Variants in ZNF765 observed in about 807,000 individuals in gnomAD.
ZNF765 encodes zinc finger protein 765.
In ZNF765, 37 loss-of-function variants were observed where a neutral mutation model predicts 44.7. The ratio of observed to expected loss-of-function variants is 0.83; its 90% CI spans 0.64 to 1.09. The LOEUF is 1.09. Ranked by LOEUF, ZNF765 falls within the 50% of genes least tolerant of loss-of-function variation. ZNF765 has a pLI of 0.00. For missense variants in ZNF765, 594 were observed against 626.1 expected (o/e 0.95, Z 0.55); for synonymous variants, 201 against 213.7 (o/e 0.94, Z 0.52).
At chr19:53,423,659 G>A (rs1262882412) in exon 4 of ZNF765, 3 of 236,060 alleles carry the variant, frequency 1.3e-5, no homozygotes, top group Non-Finnish European at 2.5e-5. Flanking sequence ...GGAGACTCCT[G>A]TGTATCCAAG....
downstream of ZNF765, chr19:53,413,399 T>C (rs10405796): frequency 0.83 from 437,988 of 526,028 alleles, 183,609 homozygotes; most frequent in Admixed American, 0.89. Flanking sequence ...ATTACAATCA[T>C]GTTACCATAT....
chr19:53,399,439 G>C (rs1024898839), intron 2 of ZNF765, among the ~76,000 whole-genome samples: 1 of 151,790 alleles, frequency 6.6e-6, no homozygotes, highest in African/African-American at 2.4e-5. Flanking sequence ...CCAGGCGTCA[G>C]AGCAAGTCTC....
At chr19:53,421,924 G>A (rs1004071843) in intron 3 of ZNF765, among the ~76,000 whole-genome samples, 3 of 152,126 alleles carry the variant, frequency 2.0e-5, no homozygotes, top group Non-Finnish European at 2.9e-5. Context: ...AGGTGCCATC[G>A]TACTTTCCTT....
Position 53,410,451 on chromosome 19 carries a change from G to C in ZNF765, c.*1324G>C. 1 of 356,230 alleles carries C rather than the reference G, an allele frequency of 2.8e-6. No individual in the cohort carries two copies. The highest frequency in any genetic ancestry group is 2.6e-5 in the South Asian group (1 of 38,856). The allele number at this position is 356,230 out of a possible 1,614,324, so 22.1% of individuals were successfully genotyped here. Reference sequence around the variant, plus strand: ...GTAAGAGTTTGTGACAAGGCTTTCAGGCATAATTCGCACCTGGCACAACAT... The same window carrying C: ...GTAAGAGTTTGTGACAAGGCTTTCACGCATAATTCGCACCTGGCACAACAT... On this transcript the variant is annotated 3_prime_UTR_variant, in exon 4 of 4. Coordinates refer to ENST00000396408, the MANE Select transcript of ZNF765 (RefSeq NM_001040185.3).
At chr19:53,405,229 G>C (rs1393044774) in intron 3 of ZNF765, among the ~76,000 whole-genome samples, 1 of 152,068 alleles carries the variant, frequency 6.6e-6, no homozygotes, top group Admixed American at 6.6e-5. Flanking sequence ...GCGCAAGGCT[G>C]TTATCCCAAG....
chr19:53,423,310 A>G, exon 4 of ZNF765: 1 of 640,482 alleles, frequency 1.6e-6, no homozygotes, highest in Non-Finnish European at 2.9e-6. Context: ...GCTGATCACG[A>G]GGGCACCAGA....
At chr19:53,401,641 G>A (rs2085727265) in intron 2 of ZNF765, among the ~76,000 whole-genome samples, 3 of 152,140 alleles carry the variant, frequency 2.0e-5, no homozygotes, top group African/African-American at 4.8e-5. Context: ...ACTTTGAGAG[G>A]CTGAGTCAGG....
At chr19:53,417,761 T>C (rs1305359541) in intron 3 of ZNF765, among the ~76,000 whole-genome samples, 2 of 152,230 alleles carry the variant, frequency 1.3e-5, no homozygotes, top group Non-Finnish European at 2.9e-5. Context: ...TCCTTTTACT[T>C]CCTTTCATGT....
At position 53,409,726 on chromosome 19, in the gene ZNF765, T is replaced by G; in HGVS notation, c.*599T>G. 1.0e-6 allele frequency: 1 copy of G among 954,226 alleles called. No homozygotes were observed. Among genetic ancestry groups the G allele is most frequent in the Non-Finnish European group, 1.7e-6 (1 of 592,664 alleles). 59.1% of individuals were successfully genotyped at this position (954,226 alleles called of 1,614,324 possible). A position where few individuals can be genotyped will look rare whatever the true frequency, so the allele number is the denominator to read the frequency against. On this transcript the variant is annotated 3_prime_UTR_variant, in exon 4 of 4. Transcript: ENST00000396408. ...AATGTAATGAGTGTGGCAAGACCTT[T>G]AGTCAGAACTCATACCTTACATGCC...
chr19:53,404,050 T>C (rs1375210022), intron 3 of ZNF765, among the ~76,000 whole-genome samples: 2 of 152,242 alleles, frequency 1.3e-5, no homozygotes, highest in African/African-American at 4.8e-5. Flanking sequence ...AGTTTCTGTA[T>C]GTGTCCTGTT....
chr19:53,420,775 A>G (rs1228133454), intron 3 of ZNF765, among the ~76,000 whole-genome samples: 1 of 152,156 alleles, frequency 6.6e-6, no homozygotes, highest in Non-Finnish European at 1.5e-5. Context: ...ATGCTTGGTA[A>G]AAGTCATCGC....
exon 4 of ZNF765, chr19:53,425,848 C>T (rs1269987480): frequency 6.6e-6 from 1 of 152,192 alleles, no homozygotes; most frequent in Admixed American, 6.6e-5. Flanking sequence ...ACCTGTAATC[C>T]CAGCGCTTTG....
downstream of ZNF765, among the ~76,000 whole-genome samples, chr19:53,414,460 CACACACACACACACACACACACACACACA>C (rs2085859196): frequency 1.5e-4 from 2 of 13,310 alleles, 1 homozygote; most frequent in Non-Finnish European, 4.8e-4. Flanking sequence ...CACACACACA[CACACACACACACACACACACACACACACA>C]CCCCCCCCCC....
Position 53,408,837 on chromosome 19 carries a change from A to G in ZNF765, c.1282A>G (p.Ile428Val), listed in dbSNP as rs368256130. The G allele has an allele frequency of 6.2e-7, 1 of 1,613,676 alleles. No individual in the cohort carries two copies. The highest frequency in any genetic ancestry group is 8.5e-7 in the Non-Finnish European group (1 of 1,179,906). Residue 428 changes from isoleucine (I) to valine (V), a missense_variant, in exon 4 of 4, where the codon ATT (isoleucine) becomes GTT (valine). Ile to Val is a conservative substitution (Grantham distance 29). This residue lies in a region of ZNF765 where 567 missense variants were observed against 572.6 expected (regional missense o/e 0.99). Transcript: ENST00000396408. ...KTFNQQLTLNICRLHSGEKPY... is the reference protein window; with the variant it reads ...KTFNQQLTLNVCRLHSGEKPY... Reference sequence around the variant, plus strand: ...CTTCAATCAGCAGTTAACCCTTAACATTTGTAGACTTCATAGTGGAGAGAA... The same window carrying G: ...CTTCAATCAGCAGTTAACCCTTAACGTTTGTAGACTTCATAGTGGAGAGAA...
chr19:53,425,915 T>C (rs1313313602), exon 4 of ZNF765: 2 of 152,332 alleles, frequency 1.3e-5, no homozygotes, highest in Non-Finnish European at 2.9e-5. Context: ...CTGGCCAACA[T>C]GGTGAAACCC....
chr19:53,396,425 G>T (rs1266961856), intron 1 of ZNF765, among the ~76,000 whole-genome samples: 1 of 152,240 alleles, frequency 6.6e-6, no homozygotes, highest in African/African-American at 2.4e-5. Context: ...AACAAAGACA[G>T]AGTGGGGTTT....
chr19:53,412,144 A>T (rs1209203637), downstream of ZNF765: 1 of 331,082 alleles, frequency 3.0e-6, no homozygotes, highest in East Asian at 1.1e-4. Context: ...TCCCTACTTG[A>T]TTATTCACTC....
At position 53,405,981 on chromosome 19, in the gene ZNF765, A is replaced by C. The variant is rs188898918; in HGVS notation, c.143-1717A>C. 9.1e-3 allele frequency among the ~76,000 whole-genome samples: 1,019 copies of C among 112,312 alleles called. 9 individuals carry two copies. Among genetic ancestry groups the C allele is most frequent in the Non-Finnish European group, 0.015 (822 of 55,918 alleles). 73.7% of individuals were successfully genotyped at this position (112,312 alleles called of 152,430 possible). A position where few individuals can be genotyped will look rare whatever the true frequency, so the allele number is the denominator to read the frequency against. On this transcript the variant is annotated intron_variant, in intron 3 of 3. Coordinates refer to ENST00000396408, the MANE Select transcript of ZNF765 (RefSeq NM_001040185.3). ...TGCTGTATTGCCTGGCTGTTTCATA[A>C]ATGTAGTTGTGACATCATAATTGCA...
At position 53,409,820 on chromosome 19, in the gene ZNF765, T is replaced by A. The variant is rs1385431659; in HGVS notation, c.*693T>A. 18 of 720,416 alleles carry A rather than the reference T, an allele frequency of 2.5e-5. No individual in the cohort carries two copies. The Admixed American group carries it at 3.0e-4, about 12-fold the overall frequency. The allele number at this position is 720,416 out of a possible 1,614,324, so 44.6% of individuals were successfully genotyped here. A position where few individuals can be genotyped will look rare whatever the true frequency, so the allele number is the denominator to read the frequency against. On this transcript the variant is annotated 3_prime_UTR_variant, in exon 4 of 4. Coordinates refer to ENST00000396408, the MANE Select transcript of ZNF765 (RefSeq NM_001040185.3). ...GTGTGGCAAGACCTTTAGTCTGAAG[T>A]CATACCTTACGCACCATCGTAGACT...
Sources: allele counts gnomAD v4.1 joint callset (sites outside exome capture counted in the v4.1 genomes callset), GRCh38; gene constraint gnomAD v4.1.1; regional missense constraint gnomAD v4.1.1; transcripts MANE v1.5; gene names NCBI Gene and HGNC (gene_info 2026-07-23, HGNC 2026-07-21).